The following BLTP3B variants were observed in gnomAD, a reference collection of about 807,000 sequenced individuals.
BLTP3B encodes UHRF1 (ICBP90) binding protein 1-like.
At chr12:100,116,143 GC>G in the BLTP3B span, among the ~76,000 whole-genome samples, 10 of 148,162 alleles carry the variant, frequency 6.7e-5, no homozygotes, top group Non-Finnish European at 1.5e-4. Flanking sequence ...ATGTACTCCA[GC>G]CCGGGTGACA....
chr12:100,110,403 C>T, the BLTP3B span, among the ~76,000 whole-genome samples: 59 of 152,270 alleles, frequency 3.9e-4, no homozygotes, highest in African/African-American at 1.3e-3. Flanking sequence ...AATACCACGA[C>T]GCTTTCTCAT....
chr12:100,098,662 G>A, the BLTP3B span: 5 of 1,040,472 alleles, frequency 4.8e-6, no homozygotes, highest in Non-Finnish European at 5.3e-6. Flanking sequence ...AGCACTTTGG[G>A]AGGCTGAGGC....
At chr12:100,136,425 CTTATA>C in the BLTP3B span, among the ~76,000 whole-genome samples, 2 of 152,190 alleles carry the variant, frequency 1.3e-5, no homozygotes, top group East Asian at 3.9e-4. Flanking sequence ...ACTCATGCTT[CTTATA>C]TTAGAATAGG....
chr12:100,142,852 C>A, the BLTP3B span: 1 of 594,794 alleles, frequency 1.7e-6, no homozygotes. Flanking sequence ...GCCATCTTGG[C>A]TGCAGCATCA....
the BLTP3B span, among the ~76,000 whole-genome samples, chr12:100,077,755 TTTTA>T: frequency 3.9e-5 from 6 of 152,344 alleles, no homozygotes; most frequent in South Asian, 1.2e-3. Flanking sequence ...TCTAGAAATC[TTTTA>T]TTTTTTAAGA....
the BLTP3B span, among the ~76,000 whole-genome samples, chr12:100,113,007 CA>C: frequency 6.6e-6 from 1 of 151,846 alleles, no homozygotes; most frequent in African/African-American, 2.4e-5. Context: ...CCCATCTCTA[CA>C]AAAAATACAA....
chr12:100,140,729 A>AAAAAATAT, the BLTP3B span, among the ~76,000 whole-genome samples: 6 of 61,482 alleles, frequency 9.8e-5, no homozygotes, highest in Non-Finnish European at 1.3e-4. Context: ...AAAAAAAAAA[A>AAAAAATAT]ATATATATAT....
the BLTP3B span, among the ~76,000 whole-genome samples, chr12:100,075,622 T>C: frequency 6.6e-6 from 1 of 152,132 alleles, no homozygotes; most frequent in African/African-American, 2.4e-5. Context: ...TATAAGGAAC[T>C]TGAACAAAAG....
the BLTP3B span, among the ~76,000 whole-genome samples, chr12:100,044,966 G>C: frequency 6.6e-6 from 1 of 152,096 alleles, no homozygotes; most frequent in African/African-American, 2.4e-5. Context: ...CAGACAAACA[G>C]AGAGCCAAAT....
chr12:100,136,210 CAA>C, the BLTP3B span, among the ~76,000 whole-genome samples: 582 of 106,366 alleles, frequency 5.5e-3, 4 homozygotes, highest in African/African-American at 0.016. Context: ...GACTCTGTCT[CAA>C]AAAAAAAAAA....
chr12:100,045,980 C>G, the BLTP3B span, among the ~76,000 whole-genome samples: 44 of 152,304 alleles, frequency 2.9e-4, 1 homozygote, highest in African/African-American at 9.6e-4. Context: ...AAAAAATGCA[C>G]ATCATCACTG....
At chr12:100,092,479 G>A in the BLTP3B span, among the ~76,000 whole-genome samples, 3 of 152,086 alleles carry the variant, frequency 2.0e-5, no homozygotes, top group Non-Finnish European at 4.4e-5. Context: ...ATATGCTGGG[G>A]CAAAAACCTG....
At chr12:100,060,099 C>A in the BLTP3B span, 1 of 1,327,738 alleles carries the variant, frequency 7.5e-7, no homozygotes. Context: ...TAAATCTTCC[C>A]TGAGAACAAA....
chr12:100,078,491 TTA>T, the BLTP3B span, among the ~76,000 whole-genome samples: 37 of 152,274 alleles, frequency 2.4e-4, no homozygotes, highest in African/African-American at 8.2e-4. Context: ...AGCTGATAGT[TTA>T]TGATAGCAAA....
At chr12:100,054,677 G>A in the BLTP3B span, among the ~76,000 whole-genome samples, 1 of 152,112 alleles carries the variant, frequency 6.6e-6, no homozygotes, top group Non-Finnish European at 1.5e-5. Context: ...ACATTTAAGT[G>A]ATATGCTGGA....
At chr12:100,110,113 T>TA in the BLTP3B span, among the ~76,000 whole-genome samples, 8 of 152,176 alleles carry the variant, frequency 5.3e-5, no homozygotes, top group Non-Finnish European at 1.2e-4. Context: ...TGAAAAAAAC[T>TA]AAACTACTGG....
the BLTP3B span, chr12:100,059,578 A>C: frequency 6.6e-7 from 1 of 1,518,650 alleles, no homozygotes; most frequent in Admixed American, 2.3e-5. Flanking sequence ...GCAAATCCAT[A>C]CATCTTGAAG....
the BLTP3B span, among the ~76,000 whole-genome samples, chr12:100,068,761 A>G: frequency 6.6e-6 from 1 of 152,226 alleles, no homozygotes; most frequent in African/African-American, 2.4e-5. Context: ...CAACATCACT[A>G]ATGATCAGGG....
At chr12:100,055,901 G>A in the BLTP3B span, among the ~76,000 whole-genome samples, 1 of 151,974 alleles carries the variant, frequency 6.6e-6, no homozygotes, top group African/African-American at 2.4e-5. Flanking sequence ...GTGTTACTTT[G>A]GATTCGTTAT....
Sources: allele counts gnomAD v4.1 joint callset (sites outside exome capture counted in the v4.1 genomes callset), GRCh38; gene constraint gnomAD v4.1.1; transcripts MANE v1.5; gene names NCBI Gene and HGNC (gene_info 2026-07-23, HGNC 2026-07-21).